SYP: variants seen among roughly 807,000 people sequenced by gnomAD.
SYP encodes the protein major synaptic vesicle protein P38.
In SYP, 2 loss-of-function variants were observed where a neutral mutation model predicts 24.3. The ratio of observed to expected loss-of-function variants is 0.08; its 90% CI spans 0.03 to 0.26. The LOEUF (loss-of-function observed/expected upper bound fraction) is 0.26, where lower values mean the gene tolerates loss of function less well. Among genes scored for constraint, SYP ranks in the 10% least tolerant of loss-of-function variants. SYP has a pLI of 1.00. For synonymous variants in SYP, 143 were observed against 123.2 expected, an observed-to-expected ratio of 1.16 and a Z score of -1.07; for missense variants, 216 against 266.3, an observed-to-expected ratio of 0.81 and a Z score of 1.32.
At chrX:49,198,912 C>T in intron 2 of SYP, 56 bp downstream of exon 2, 1 of 1,181,285 alleles carries the variant, frequency 8.5e-7, no homozygotes, top group Non-Finnish European at 1.1e-6. Context: ...CTCTTCTGGA[C>T]CCCATGACCT....
At position 49,193,311 on chromosome X, in the gene SYP, C is replaced by A; in HGVS notation, c.576G>T (p.Glu192Asp). 8.2e-7 allele frequency: 1 copy of A among 1,212,307 alleles called. No homozygotes were observed. The part of the protein sequence containing the change: ...VCRQTGNTCK[E>D]LRDPVTSGLN... ...GTCCCGAGGTCACAGGGTCTCTCAGCTCCTTGCATGTGTTCCCTGTCTGGC... is the reference window on the plus strand; with the variant it reads ...GTCCCGAGGTCACAGGGTCTCTCAGATCCTTGCATGTGTTCCCTGTCTGGC... The change falls in exon 5 of 7, where the codon GAG (glutamate) becomes GAT (aspartate). Residue 192 changes from glutamate to aspartate, a missense_variant. Physicochemically the swap from Glu to Asp is conservative, Grantham distance 45. Around this residue, in one of 2 missense-constraint regions of SYP, gnomAD observed 114 missense variants for 107.9 expected, o/e 1.06. Coordinates refer to ENST00000263233, the MANE Select transcript of SYP (RefSeq NM_003179.3).
At chrX:49,195,461 C>T (rs1007713250) in intron 3 of SYP, among the ~76,000 whole-genome samples, 7 of 110,232 alleles carry the variant, frequency 6.4e-5, no homozygotes, top group African/African-American at 2.3e-4. Context: ...AGTTCAGGTC[C>T]CCGAGAGAAA....
intron 1 of SYP, among the ~76,000 whole-genome samples, chrX:49,199,695 G>A (rs1400433894): frequency 1.8e-5 from 2 of 108,872 alleles, no homozygotes; most frequent in African/African-American, 6.7e-5. Flanking sequence ...GTGCTCTGGG[G>A]GAAGGGGTGG....
At chrX:49,191,827 A>G in intron 5 of SYP, 64 bp from the exon 6 acceptor site, 8 of 1,102,677 alleles carry the variant, frequency 7.3e-6, no homozygotes, top group Non-Finnish European at 9.8e-6. Flanking sequence ...TGCGTGCAGG[A>G]ATGAGCATGC....
intron 2 of SYP, chrX:49,198,215 T>G (rs1557103547): frequency 8.4e-6 from 2 of 239,398 alleles, no homozygotes; most frequent in Non-Finnish European, 7.5e-6. Context: ...TCTCTGCCTC[T>G]GCCTATCTGA....
At chrX:49,192,932 G>A (rs1479736510) in intron 5 of SYP, among the ~76,000 whole-genome samples, 2 of 110,733 alleles carry the variant, frequency 1.8e-5, no homozygotes, top group African/African-American at 3.4e-5. Flanking sequence ...CCAGCCAGTA[G>A]GGGGCATCCA....
intron 6 of SYP, 153 bp downstream of exon 6, chrX:49,191,280 G>A: frequency 3.3e-6 from 2 of 600,088 alleles, no homozygotes; most frequent in African/African-American, 4.4e-5. Flanking sequence ...TTAGCAGGTA[G>A]TTCTGCCTCT....
At chrX:49,197,684 G>T (rs781966970) in intron 3 of SYP, 31 bp downstream of exon 3, 2 of 1,203,281 alleles carry the variant, frequency 1.7e-6, no homozygotes, top group Non-Finnish European at 2.2e-6. Context: ...TCCTCTCCCA[G>T]GTCTGTTGGT....
chrX:49,189,740 G>A (rs782623999), intron 6 of SYP, among the ~76,000 whole-genome samples: 129 of 111,189 alleles, frequency 1.2e-3, no homozygotes, highest in African/African-American at 3.9e-3. Flanking sequence ...AGGCTGAGGT[G>A]GGAGGATCAC....
intron 6 of SYP, 179 bp downstream of exon 6, chrX:49,191,254 G>A (rs1313690087): frequency 2.0e-6 from 1 of 503,580 alleles, no homozygotes; most frequent in African/African-American, 2.3e-5. Flanking sequence ...CCATTCATTA[G>A]CTAGTTTTTC....
At chrX:49,191,809 G>A in intron 5 of SYP, 46 bp from the exon 6 acceptor site, 2 of 1,154,658 alleles carry the variant, frequency 1.7e-6, no homozygotes, top group Non-Finnish European at 2.3e-6. Context: ...CCATTGCCTT[G>A]GCGGCCCTGC....
At chrX:49,198,317 TCTGTCTCTCTGTC>T (rs1225407429) in intron 2 of SYP, 1 of 138,867 alleles carries the variant, frequency 7.2e-6, no homozygotes, top group Non-Finnish European at 1.4e-5. Context: ...TCTGTTTGTC[TCTGTCTCTCTGTC>T]CTGTCTCTCA....
chrX:49,189,698 G>T (rs1158863240), intron 6 of SYP, among the ~76,000 whole-genome samples: 1 of 111,018 alleles, frequency 9.0e-6, no homozygotes, highest in Non-Finnish European at 1.9e-5. Context: ...GCTGGGCATG[G>T]TCGCTCACAC....
intron 3 of SYP, among the ~76,000 whole-genome samples, chrX:49,194,704 CTTTTT>C (rs34247999): frequency 1.2e-4 from 7 of 57,405 alleles, no homozygotes; most frequent in Admixed American, 2.2e-4. Flanking sequence ...CCCTCATCTC[CTTTTT>C]TTTTTTTTTT....
In SYP at chrX:49,198,344, G is replaced by A. The variant is rs184728813; in HGVS notation, c.103-505C>T. ...TGTCTCTCTGTCCTGTCTCTCACTCGGTCTCCGGATGGTTCTCTCTCTGTC... is the reference window on the plus strand; with the variant it reads ...TGTCTCTCTGTCCTGTCTCTCACTCAGTCTCCGGATGGTTCTCTCTCTGTC... On this transcript the variant is annotated intron_variant, in intron 2 of 6. Coordinates refer to ENST00000263233, the MANE Select transcript of SYP (RefSeq NM_003179.3). 4.3e-4 allele frequency: 53 copies of A among 124,143 alleles called. 1 individual carries two copies. The highest frequency in any genetic ancestry group is 8.0e-3 in the Middle Eastern group (2 of 251). 10.2% of individuals were successfully genotyped at this position (124,143 alleles called of 1,213,427 possible).
chrX:49,195,656 G>C (rs1219682739), intron 3 of SYP, among the ~76,000 whole-genome samples: 1 of 111,080 alleles, frequency 9.0e-6, no homozygotes, highest in Non-Finnish European at 1.9e-5. Context: ...GAGAGAAAAT[G>C]TCTGTGGGAG....
At chrX:49,193,573 G>A in intron 4 of SYP, 110 bp from the exon 5 acceptor site, 3 of 871,873 alleles carry the variant, frequency 3.4e-6, no homozygotes, top group Non-Finnish European at 4.8e-6. Flanking sequence ...TCTCTCCCCT[G>A]CCTTTTCAGC....
At position 49,188,698 on chromosome X, in the gene SYP, A is replaced by G. The variant is rs1320750188; in HGVS notation, c.*589T>C. 9.1e-6 allele frequency: 1 copy of G among 109,864 alleles called. No homozygotes were observed. The highest frequency in any genetic ancestry group is 1.9e-5 in the Non-Finnish European group (1 of 52,669). The allele number at this position is 109,864 out of a possible 1,213,427, so 9.1% of individuals were successfully genotyped here. A position where few individuals can be genotyped will look rare whatever the true frequency, so the allele number is the denominator to read the frequency against. ...CGCACTCCTCTCCTTCAGACTCCAGATCCACTCTGTCTGGAACCCAACCCC... is the reference window on the plus strand; with the variant it reads ...CGCACTCCTCTCCTTCAGACTCCAGGTCCACTCTGTCTGGAACCCAACCCC... On this transcript the variant is annotated 3_prime_UTR_variant, in exon 7 of 7. Coordinates refer to ENST00000263233, the MANE Select transcript of SYP (RefSeq NM_003179.3).
Position 49,191,691 on chromosome X carries a change from C to A in SYP, c.688G>T (p.Ala230Ser), listed in dbSNP as rs782424574. The A allele has an allele frequency of 2.5e-6, 3 of 1,205,255 alleles. No homozygotes were observed. Among genetic ancestry groups the A allele is most frequent in the Non-Finnish European group, 3.4e-6 (3 of 892,667 alleles). The change falls in exon 6 of 7, where the codon GCC (alanine) becomes TCC (serine). Residue 230 changes from alanine to serine, a missense_variant. Ala to Ser is a moderately conservative substitution (Grantham distance 99). Transcript: ENST00000263233. ...WFVFKETGWA[A>S]PFLRAPPGAP... is the part of the protein sequence containing the mutation. ...CCGGGAGGCGCGCGCAGGAACGGGGCGGCCCAGCCTGTCTCCTTAAACACG... is the reference window on the plus strand; with the variant it reads ...CCGGGAGGCGCGCGCAGGAACGGGGAGGCCCAGCCTGTCTCCTTAAACACG...
Sources: gnomAD v4.1 joint callset for allele counts (sites outside exome capture counted in the v4.1 genomes callset) on GRCh38, gnomAD v4.1.1 for gene constraint, gnomAD v4.1.1 regional missense constraint, MANE v1.5 for transcripts, NCBI Gene and HGNC (gene_info 2026-07-23, HGNC 2026-07-21) for gene names.